The following IGF1R variants were observed in gnomAD, a reference collection of about 807,000 sequenced individuals.
IGF1R encodes the protein insulin like growth factor 1 receptor, also known as insulin-like growth factor 1 receptor.
A neutral mutation model predicts 144.6 loss-of-function variants in IGF1R; 44 were observed. The ratio of observed to expected loss-of-function variants is 0.30; its 90% CI spans 0.24 to 0.39. The LOEUF (loss-of-function observed/expected upper bound fraction) is 0.39. Ranked by LOEUF, IGF1R falls within the 10% of genes least tolerant of loss-of-function variation. The pLI is 1.00. For synonymous variants in IGF1R, 795 were observed against 722.8 expected, an observed-to-expected ratio of 1.10 and a Z score of -1.60; for missense variants, 1,355 against 1,833.7, an observed-to-expected ratio of 0.74 and a Z score of 4.77.
chr15:98,868,327 C>CAAAAA (rs55905905), intron 2 of IGF1R, among the ~76,000 whole-genome samples: 892 of 49,840 alleles, frequency 0.018, 68 homozygotes, highest in African/African-American at 0.057. Flanking sequence ...ACCTTGTCTC[C>CAAAAA]AAAAAAAAAA....
chr15:98,936,520 G>A (rs871334), intron 17 of IGF1R, among the ~76,000 whole-genome samples: 19,192 of 151,914 alleles, frequency 0.13, 2,923 homozygotes, highest in African/African-American at 0.37. Flanking sequence ...CTGCTTACTG[G>A]GTAAGCAGTG....
At chr15:98,695,358 G>C (rs376148288) in intron 1 of IGF1R, among the ~76,000 whole-genome samples, 1 of 152,178 alleles carries the variant, frequency 6.6e-6, no homozygotes, top group Non-Finnish European at 1.5e-5. Context: ...GCCCACTCTG[G>C]TGAGATGGCT....
chr15:98,943,008 T>G lies in IGF1R; in HGVS notation c.3543T>G (p.Pro1181=). 3.1e-6 allele frequency: 5 copies of G among 1,614,210 alleles called. No individual in the cohort carries two copies. The highest frequency in any genetic ancestry group is 4.2e-6 in the Non-Finnish European group (5 of 1,180,008). The part of the protein sequence containing the change: ...KGLLPVRWMS[P]ESLKDGVFTT... ...TGCTGCCCGTGCGCTGGATGTCTCC[T>G]GAGTCCCTCAAGGATGGAGTCTTCA... Residue 1181 remains proline (P), a synonymous_variant, in exon 19 of 21, where the codon CCT becomes CCG. Transcript: ENST00000650285.
chr15:98,909,234 TTTC>T (rs1319995048), intron 6 of IGF1R, among the ~76,000 whole-genome samples: 5 of 117,134 alleles, frequency 4.3e-5, no homozygotes, highest in Non-Finnish European at 8.4e-5. Context: ...CTCTTTCTTT[TTTC>T]TTTTCTTTTT....
intron 2 of IGF1R, among the ~76,000 whole-genome samples, chr15:98,746,419 G>A (rs775954794): frequency 1.5e-4 from 23 of 152,128 alleles, no homozygotes; most frequent in Non-Finnish European, 2.4e-4. Context: ...CAGACTTGCC[G>A]GAAAACCAAA....
At chr15:98,906,814 C>G (rs1184448502) in intron 5 of IGF1R, among the ~76,000 whole-genome samples, 1 of 152,214 alleles carries the variant, frequency 6.6e-6, no homozygotes, top group South Asian at 2.1e-4. Flanking sequence ...GTCCAGAGGC[C>G]TGAAGATGGG....
rs1367182952 is a variant in IGF1R, at chr15:98,743,447, A to G, written c.640+35340A>G. ...TTGTGTAGAGTGGCATCTCTATACA[A>G]CTGTTCGACTAACTGTCGGAGACAC... On this transcript the variant is annotated intron_variant, in intron 2 of 20. Transcript: ENST00000650285. Among the ~76,000 whole-genome samples the G allele has an allele frequency of 6.6e-5, 10 of 152,314 alleles. No individual in the cohort carries two copies. The East Asian group carries it at 1.7e-3, about 26-fold the overall frequency.
intron 20 of IGF1R, among the ~76,000 whole-genome samples, chr15:98,950,688 T>G (rs1303939359): frequency 6.6e-6 from 1 of 152,222 alleles, no homozygotes; most frequent in East Asian, 1.9e-4. Context: ...CTACCCAGGA[T>G]ACTCTCTCCC....
intron 19 of IGF1R, among the ~76,000 whole-genome samples, chr15:98,945,174 T>G (rs770415920): frequency 3.3e-5 from 5 of 152,266 alleles, no homozygotes; most frequent in Non-Finnish European, 7.3e-5. Context: ...GAGCTGTGCT[T>G]CTTCCCGAGC....
At chr15:98,859,467 T>G (rs2012024990) in intron 2 of IGF1R, among the ~76,000 whole-genome samples, 1 of 152,246 alleles carries the variant, frequency 6.6e-6, no homozygotes, top group South Asian at 2.1e-4. Flanking sequence ...TGGTGTTGCA[T>G]GTTTTTGCCC....
chr15:98,649,087 C>T lies in IGF1R; in HGVS notation c.-495C>T, dbSNP rs2052271432. 9.1e-6 allele frequency: 2 copies of T among 219,500 alleles called. No homozygotes were observed. Among genetic ancestry groups the T allele is most frequent in the Non-Finnish European group, 1.8e-5 (2 of 109,438 alleles). 13.6% of individuals were successfully genotyped at this position (219,500 alleles called of 1,614,324 possible). A position where few individuals can be genotyped will look rare whatever the true frequency, so the allele number is the denominator to read the frequency against. ...TCATTTTGACTCCGCGTTTCTGCCC[C>T]TCGCCGGCCTCGCCTGTGACCCGGA... On this transcript the variant is annotated 5_prime_UTR_variant, in exon 1 of 21. Transcript: ENST00000650285.
intron 2 of IGF1R, among the ~76,000 whole-genome samples, chr15:98,728,683 C>T (rs1052176122): frequency 1.3e-5 from 2 of 152,248 alleles, no homozygotes; most frequent in Admixed American, 6.5e-5. Context: ...AGGCCCCCAT[C>T]GCTTCTTCAT....
At chr15:98,663,819 C>T (rs1270444919) in intron 1 of IGF1R, among the ~76,000 whole-genome samples, 1 of 152,224 alleles carries the variant, frequency 6.6e-6, no homozygotes, top group Non-Finnish European at 1.5e-5. Flanking sequence ...CAGTCCTTAC[C>T]ATGCAAGTGA....
chr15:98,939,095 C>T (rs1016247555), intron 17 of IGF1R, 106 bp from the exon 18 acceptor site: 5 of 901,500 alleles, frequency 5.5e-6, no homozygotes, highest in African/African-American at 5.0e-5. Context: ...CATAAACAAC[C>T]CACGGTGCCC....
At chr15:98,700,600 A>T (rs1162828087) in intron 1 of IGF1R, among the ~76,000 whole-genome samples, 1 of 152,162 alleles carries the variant, frequency 6.6e-6, no homozygotes. Flanking sequence ...CTCCTCCTAC[A>T]AGCAAAGTGA....
intron 2 of IGF1R, among the ~76,000 whole-genome samples, chr15:98,777,557 G>A (rs1216918879): frequency 6.6e-6 from 1 of 152,244 alleles, no homozygotes; most frequent in Non-Finnish European, 1.5e-5. Flanking sequence ...CAAGGGTGCA[G>A]GCGGCTCTGG....
chr15:98,787,916 G>T (rs918648645), intron 2 of IGF1R, among the ~76,000 whole-genome samples: 2 of 152,086 alleles, frequency 1.3e-5, no homozygotes, highest in Non-Finnish European at 2.9e-5. Flanking sequence ...GAGGGAAAGG[G>T]AGACAAAAGA....
At chr15:98,737,862 T>A (rs1389103244) in intron 2 of IGF1R, among the ~76,000 whole-genome samples, 2 of 152,116 alleles carry the variant, frequency 1.3e-5, no homozygotes, top group African/African-American at 4.8e-5. Context: ...CAGTCAGCCC[T>A]CTGGGTTTGT....
Position 98,746,376 on chromosome 15 carries a change from C to T in IGF1R, c.640+38269C>T, listed in dbSNP as rs529702455. Among the ~76,000 whole-genome samples the T allele has an allele frequency of 2.0e-4, 30 of 152,306 alleles. 1 individual carries two copies. In the South Asian group the frequency reaches 6.0e-3, roughly 30 times the overall value. On this transcript the variant is annotated intron_variant, in intron 2 of 20. Coordinates refer to ENST00000650285, the MANE Select transcript of IGF1R (RefSeq NM_000875.5). Reference sequence around the variant, plus strand: ...CTCAGGTGCAGGGTTCTCTGGAACTCTGTCTAGGTTGGTCTCTTGGATGGC... The same window carrying T: ...CTCAGGTGCAGGGTTCTCTGGAACTTTGTCTAGGTTGGTCTCTTGGATGGC...
Sources: gnomAD v4.1 joint callset for allele counts (sites outside exome capture counted in the v4.1 genomes callset) on GRCh38, gnomAD v4.1.1 for gene constraint, MANE v1.5 for transcripts, NCBI Gene and HGNC (gene_info 2026-07-23, HGNC 2026-07-21) for gene names.